Variants in CDC40 observed in about 807,000 individuals in gnomAD.
CDC40 encodes cell division cycle 40.
CDC40 carries 27 observed loss-of-function variants against 80.6 expected under a neutral mutation model. That is an observed-to-expected ratio of 0.33 (90% confidence interval 0.25 to 0.46). The LOEUF (loss-of-function observed/expected upper bound fraction) is 0.46. Ranked by LOEUF, CDC40 falls within the 20% of genes least tolerant of loss-of-function variation. The pLI is 1.00. For synonymous variants in CDC40, 221 were observed against 232.6 expected (o/e 0.95, Z 0.45); for missense variants, 486 against 694.1 (o/e 0.70, Z 3.37).
intron 1 of CDC40, among the ~76,000 whole-genome samples, chr6:110,191,629 A>G (rs1162166413): frequency 2.6e-5 from 4 of 152,232 alleles, no homozygotes; most frequent in Non-Finnish European, 5.9e-5. Context: ...CAGGAAAAAC[A>G]TTTCATTCCA....
rs1777948184 is a variant in CDC40 at position 110,232,207 on chromosome 6, A to AT, written c.*2082dup. ...AAAAGATCATATTTTTAAATAAAGCATTTTTTGTAGAAAGTGCTATCAAAA... is the reference window on the plus strand; with the variant it reads ...AAAAGATCATATTTTTAAATAAAGCATTTTTTTGTAGAAAGTGCTATCAAAA... On this transcript the variant is annotated 3_prime_UTR_variant, in exon 15 of 15. Coordinates refer to ENST00000307731, the MANE Select transcript of CDC40 (RefSeq NM_015891.3). The AT allele has an allele frequency of 6.6e-6, 1 of 152,556 alleles. No individual in the cohort carries two copies. Among genetic ancestry groups the AT allele is most frequent in the African/African-American group, 2.4e-5 (1 of 41,432 alleles). 9.5% of individuals were successfully genotyped at this position (152,556 alleles called of 1,614,324 possible).
At chr6:110,227,417 A>C (rs9487319) in intron 13 of CDC40, among the ~76,000 whole-genome samples, 38,292 of 152,070 alleles carry the variant, frequency 0.25, 5,588 homozygotes, top group African/African-American at 0.41. Flanking sequence ...ATGAGAAGAG[A>C]AACCTAACTG....
chr6:110,190,308 G>A (rs997793795), intron 1 of CDC40, among the ~76,000 whole-genome samples: 1 of 152,126 alleles, frequency 6.6e-6, no homozygotes, highest in African/African-American at 2.4e-5. Context: ...GCATCAAAGT[G>A]CTTGCTATTT....
In CDC40 at chr6:110,192,398, G is replaced by A. The variant is rs554395502; in HGVS notation, c.190-784G>A. Among the ~76,000 whole-genome samples the A allele has an allele frequency of 1.3e-4, 20 of 152,340 alleles. No individual in the cohort carries two copies. In the South Asian group the frequency reaches 4.1e-3, roughly 32 times the overall value. ...ACTCCAGATTTTTGCCTGAGCAACTGTAAGGGTGGAATTGTGATTAACTAA... is the reference window on the plus strand; with the variant it reads ...ACTCCAGATTTTTGCCTGAGCAACTATAAGGGTGGAATTGTGATTAACTAA... On this transcript the variant is annotated intron_variant, in intron 1 of 14. Coordinates refer to ENST00000307731, the MANE Select transcript of CDC40 (RefSeq NM_015891.3).
chr6:110,193,251 A>G lies in CDC40; in HGVS notation c.259A>G (p.Thr87Ala), dbSNP rs769745679. 6 of 1,600,822 alleles carry G rather than the reference A, an allele frequency of 3.7e-6. No homozygotes were observed. Among genetic ancestry groups the G allele is most frequent in the Non-Finnish European group, 4.3e-6 (5 of 1,167,984 alleles). The change falls in exon 2 of 15, where the codon ACC becomes GCC. Residue 87 changes from threonine to alanine, a missense_variant. By Grantham distance (58) the Thr-to-Ala change is moderately conservative (BLOSUM62 0). Around this residue, in one of 3 missense-constraint regions of CDC40, gnomAD observed 381 missense variants for 492.1 expected, o/e 0.77. Transcript: ENST00000307731. ...KEVQYNPTYE[T>A]MFAPEFGPEN... ...AGTTCAGTATAATCCTACCTATGAG[A>G]CCATGTTTGCTCCTGAGGTAAGAAA... is the stretch of plus-strand genomic sequence containing the variant.
chr6:110,212,404 A>C, intron 7 of CDC40, 132 bp downstream of exon 7: 1 of 859,206 alleles, frequency 1.2e-6, no homozygotes, highest in South Asian at 1.7e-5. Flanking sequence ...TGTAAGCCTG[A>C]GTTATGCTTT....
At chr6:110,196,820 A>C (rs371996250) in intron 2 of CDC40, among the ~76,000 whole-genome samples, 1 of 145,526 alleles carries the variant, frequency 6.9e-6, no homozygotes, top group Non-Finnish European at 1.5e-5. Flanking sequence ...AATTGTGGGG[A>C]TCTTCTCTTA....
At chr6:110,193,503 C>G (rs543168376) in intron 2 of CDC40, among the ~76,000 whole-genome samples, 1 of 151,968 alleles carries the variant, frequency 6.6e-6, no homozygotes, top group Non-Finnish European at 1.5e-5. Flanking sequence ...CTCCTGGGTT[C>G]ACACCATTCT....
chr6:110,208,959 C>T (rs1165035527), intron 4 of CDC40, 125 bp from the exon 5 acceptor site: 1 of 652,580 alleles, frequency 1.5e-6, no homozygotes, highest in Non-Finnish European at 2.6e-6. Flanking sequence ...ACTCTGGGGT[C>T]ACTTGAACAA....
At chr6:110,205,853 G>A (rs1192490972) in intron 3 of CDC40, among the ~76,000 whole-genome samples, 4 of 152,088 alleles carry the variant, frequency 2.6e-5, no homozygotes, top group African/African-American at 7.2e-5. Context: ...GAACACTTCT[G>A]TACATCAAAG....
intron 3 of CDC40, 147 bp downstream of exon 3, chr6:110,201,834 A>G (rs1420955874): frequency 4.0e-6 from 2 of 497,456 alleles, no homozygotes; most frequent in Non-Finnish European, 7.0e-6. Flanking sequence ...ATCCTTAAAT[A>G]TTTATATAAA....
intron 8 of CDC40, 64 bp from the exon 9 acceptor site, chr6:110,215,222 G>A (rs1381253935): frequency 2.3e-6 from 3 of 1,295,958 alleles, no homozygotes; most frequent in African/African-American, 1.5e-5. Flanking sequence ...TAGGGCTGTT[G>A]TTATTAATTG....
At position 110,231,092 on chromosome 6, in the gene CDC40, T is replaced by G. The variant is rs1169795915; in HGVS notation, c.*961T>G. 6.6e-6 allele frequency: 1 copy of G among 152,246 alleles called. No individual in the cohort carries two copies. The highest frequency in any genetic ancestry group is 1.5e-5 in the Non-Finnish European group (1 of 68,050). The allele number at this position is 152,246 out of a possible 1,614,324, so 9.4% of individuals were successfully genotyped here. A position where few individuals can be genotyped will look rare whatever the true frequency, so the allele number is the denominator to read the frequency against. On this transcript the variant is annotated 3_prime_UTR_variant, in exon 15 of 15. Coordinates refer to ENST00000307731, the MANE Select transcript of CDC40 (RefSeq NM_015891.3). Reference sequence around the variant, plus strand: ...ACAGAACTTTTTAAGATTAAAAAATTTTTAAACCTCTATGTCTGAAAAAAA... The same window carrying G: ...ACAGAACTTTTTAAGATTAAAAAATGTTTAAACCTCTATGTCTGAAAAAAA...
intron 4 of CDC40, 93 bp downstream of exon 4, chr6:110,207,682 A>ATTTTTT: frequency 1.4e-6 from 1 of 715,330 alleles, no homozygotes; most frequent in Non-Finnish European, 2.5e-6. Flanking sequence ...AAAAAATAGT[A>ATTTTTT]TTTAGCGCTT....
At chr6:110,216,138 T>G (rs1403959982) in intron 9 of CDC40, among the ~76,000 whole-genome samples, 1 of 152,122 alleles carries the variant, frequency 6.6e-6, no homozygotes, top group Non-Finnish European at 1.5e-5. Flanking sequence ...AATTGACAGC[T>G]AAAGCATAAA....
At chr6:110,218,503 T>C (rs1264436660) in intron 10 of CDC40, among the ~76,000 whole-genome samples, 2 of 152,200 alleles carry the variant, frequency 1.3e-5, no homozygotes, top group South Asian at 2.1e-4. Flanking sequence ...CTTAAAGAGC[T>C]AACTTTTTCA....
chr6:110,209,274 T>C (rs1777602742), intron 5 of CDC40, 51 bp downstream of exon 5: 1 of 1,505,542 alleles, frequency 6.6e-7, no homozygotes, highest in Non-Finnish European at 9.2e-7. Context: ...TGTATCTCTA[T>C]GAAGGATATC....
At chr6:110,227,972 A>G (rs1777887782) in intron 13 of CDC40, among the ~76,000 whole-genome samples, 1 of 152,178 alleles carries the variant, frequency 6.6e-6, no homozygotes, top group Non-Finnish European at 1.5e-5. Flanking sequence ...CTTCTGAGAA[A>G]TGCAGTGTTA....
Position 110,209,427 on chromosome 6 carries a change from C to G in CDC40, c.630+204C>G, listed in dbSNP as rs556136037. Reference sequence around the variant, plus strand: ...TTTACCTTTTCTGCTGATTTGTTTTCTCTCATGCTTTTTTATTAAAATACA... The same window carrying G: ...TTTACCTTTTCTGCTGATTTGTTTTGTCTCATGCTTTTTTATTAAAATACA... On this transcript the variant is annotated intron_variant, in intron 5 of 14. Coordinates refer to ENST00000307731, the MANE Select transcript of CDC40 (RefSeq NM_015891.3). The G allele has an allele frequency of 1.1e-5, 5 of 452,734 alleles. No individual in the cohort carries two copies. The Admixed American group carries it at 1.5e-4, about 13-fold the overall frequency. The allele number at this position is 452,734 out of a possible 1,614,324, so 28.0% of individuals were successfully genotyped here.
Sources: allele counts gnomAD v4.1 joint callset (sites outside exome capture counted in the v4.1 genomes callset), GRCh38; gene constraint gnomAD v4.1.1; regional missense constraint gnomAD v4.1.1; transcripts MANE v1.5; gene names NCBI Gene and HGNC (gene_info 2026-07-23, HGNC 2026-07-21).